Variants in GCNT2 observed in about 807,000 individuals in gnomAD.
GCNT2 encodes the protein glucosaminyl (N-acetyl) transferase 2 (I blood group), also known as N-acetyllactosaminide beta-1,6-N-acetylglucosaminyl-transferase.
GCNT2 carries 34 observed loss-of-function variants against 34.2 expected under a neutral mutation model. The observed-to-expected ratio is 1.00, with a 90% CI of 0.76 to 1.32. GCNT2 has a LOEUF of 1.32. Among genes scored for constraint, GCNT2 ranks in the 40% most tolerant of loss-of-function variants. The pLI is 0.00. For synonymous variants in GCNT2, 212 were observed against 188.0 expected (o/e 1.13, Z -1.04); for missense variants, 584 against 489.4 (o/e 1.19, Z -1.82).
At chr6:10,592,256 TTAAAA>T (rs1210862878) in intron 3 of GCNT2, among the ~76,000 whole-genome samples, 1 of 152,230 alleles carries the variant, frequency 6.6e-6, no homozygotes, top group Non-Finnish European at 1.5e-5. Flanking sequence ...GAACAGACTC[TTAAAA>T]TAATATTTTT....
chr6:10,589,606 G>A (rs1193880526), intron 3 of GCNT2, among the ~76,000 whole-genome samples: 1 of 152,104 alleles, frequency 6.6e-6, no homozygotes, highest in Non-Finnish European at 1.5e-5. Context: ...GTGGCCCTTG[G>A]TTCATGTTCT....
At chr6:10,570,681 C>T (rs748127875) in intron 3 of GCNT2, among the ~76,000 whole-genome samples, 1 of 152,176 alleles carries the variant, frequency 6.6e-6, no homozygotes, top group Non-Finnish European at 1.5e-5. Context: ...CTCCTTCAAG[C>T]TCTTTGGGGG....
intron 3 of GCNT2, among the ~76,000 whole-genome samples, chr6:10,565,141 C>T (rs1763220252): frequency 1.3e-5 from 2 of 152,164 alleles, no homozygotes; most frequent in African/African-American, 4.8e-5. Flanking sequence ...GTCTGCAGAG[C>T]CAGAAAAGCA....
At chr6:10,540,870 T>G (rs67028536) in intron 3 of GCNT2, among the ~76,000 whole-genome samples, 2 of 152,078 alleles carry the variant, frequency 1.3e-5, no homozygotes, top group African/African-American at 4.8e-5. Flanking sequence ...CAAACATCCT[T>G]TGCTGCCACC....
intron 3 of GCNT2, among the ~76,000 whole-genome samples, chr6:10,582,550 A>G (rs529853127): frequency 7.7e-6 from 1 of 129,848 alleles, no homozygotes; most frequent in Non-Finnish European, 1.6e-5. Context: ...TATCATGTAT[A>G]ATATATATCA....
At chr6:10,626,370 T>G in intron 4 of GCNT2, 47 bp from the exon 5 acceptor site, 1 of 1,394,102 alleles carries the variant, frequency 7.2e-7, no homozygotes, top group Non-Finnish European at 1.0e-6. Flanking sequence ...ATCACCCTTT[T>G]GAAAGCAAGC....
intron 3 of GCNT2, among the ~76,000 whole-genome samples, chr6:10,552,472 C>G (rs943107155): frequency 2.0e-5 from 3 of 151,766 alleles, no homozygotes; most frequent in Non-Finnish European, 2.9e-5. Context: ...GTGGTTGCTT[C>G]TGTACTGAAT....
chr6:10,539,837 A>C (rs1246974012), intron 3 of GCNT2, among the ~76,000 whole-genome samples: 1 of 152,218 alleles, frequency 6.6e-6, no homozygotes, highest in Non-Finnish European at 1.5e-5. Context: ...TGTAATCCCA[A>C]CACTGGGAGG....
chr6:10,586,726 A>G, intron 3 of GCNT2: 2 of 1,614,064 alleles, frequency 1.2e-6, no homozygotes, highest in Non-Finnish European at 1.7e-6. Flanking sequence ...TTTGTGAAAA[A>G]TACTAATATT....
In GCNT2 at chr6:10,613,128, A is replaced by G. The variant is rs182986786; in HGVS notation, c.926-8223A>G. 4.6e-3 allele frequency among the ~76,000 whole-genome samples: 706 copies of G among 152,352 alleles called. 4 individuals are homozygous for G. Among genetic ancestry groups the G allele is most frequent in the Non-Finnish European group, 8.2e-3 (557 of 68,022 alleles). ...ATTTCTGGAACTTGTTACCACAGAT[A>G]GTTCTCCCAAAATGAGGACCAAACT... On this transcript the variant is annotated intron_variant, in intron 3 of 4. Coordinates refer to ENST00000495262, the MANE Select transcript of GCNT2 (RefSeq NM_145649.5).
intron 3 of GCNT2, among the ~76,000 whole-genome samples, chr6:10,610,838 C>G (rs2127435334): frequency 6.6e-6 from 1 of 152,242 alleles, no homozygotes; most frequent in African/African-American, 2.4e-5. Flanking sequence ...GGCTGTAGTT[C>G]ACATAGCTTG....
intron 3 of GCNT2, among the ~76,000 whole-genome samples, chr6:10,597,748 C>T (rs1349660307): frequency 1.3e-5 from 2 of 152,140 alleles, no homozygotes; most frequent in Non-Finnish European, 2.9e-5. Flanking sequence ...AGGCGTGAGC[C>T]ACCACGCCTG....
At chr6:10,616,894 C>T (rs1478188966) in intron 3 of GCNT2, among the ~76,000 whole-genome samples, 4 of 152,208 alleles carry the variant, frequency 2.6e-5, no homozygotes, top group Non-Finnish European at 4.4e-5. Flanking sequence ...GTTTACAAAC[C>T]TTGAGCTAGA....
chr6:10,610,559 C>T (rs1040538143), intron 3 of GCNT2, among the ~76,000 whole-genome samples: 3 of 152,242 alleles, frequency 2.0e-5, no homozygotes, highest in Middle Eastern at 3.4e-3. Flanking sequence ...TAGTCTTCAC[C>T]AGAAGACTGT....
chr6:10,528,565 T>G, intron 2 of GCNT2, 66 bp from the exon 3 acceptor site: 1 of 357,058 alleles, frequency 2.8e-6, no homozygotes, highest in Non-Finnish European at 5.3e-6. Flanking sequence ...CACTTGTAAT[T>G]TCATGGTGGG....
At chr6:10,562,489 G>A (rs1048518700) in intron 3 of GCNT2, among the ~76,000 whole-genome samples, 1 of 151,806 alleles carries the variant, frequency 6.6e-6, no homozygotes, top group African/African-American at 2.4e-5. Flanking sequence ...AGGCCCAGGC[G>A]GGAGGATCCC....
chr6:10,576,730 A>G (rs559892), intron 3 of GCNT2, among the ~76,000 whole-genome samples: 3,288 of 152,142 alleles, frequency 0.022, 106 homozygotes, highest in African/African-American at 0.073. Flanking sequence ...CAGGATTCAG[A>G]GATCATTGCA....
At chr6:10,542,363 A>C (rs897151002) in intron 3 of GCNT2, among the ~76,000 whole-genome samples, 2 of 152,186 alleles carry the variant, frequency 1.3e-5, no homozygotes, top group Non-Finnish European at 2.9e-5. Flanking sequence ...TATAATTTAC[A>C]TAGGGTGAAA....
At chr6:10,545,919 A>G (rs1175982466) in intron 3 of GCNT2, among the ~76,000 whole-genome samples, 1 of 152,212 alleles carries the variant, frequency 6.6e-6, no homozygotes, top group Non-Finnish European at 1.5e-5. Flanking sequence ...GGGGCCTGAA[A>G]GTAGAAACCT....
Sources: allele counts gnomAD v4.1 joint callset (sites outside exome capture counted in the v4.1 genomes callset), GRCh38; gene constraint gnomAD v4.1.1; transcripts MANE v1.5; gene names NCBI Gene and HGNC (gene_info 2026-07-23, HGNC 2026-07-21).